The following KCNN1 variants were observed in gnomAD, a reference collection of about 807,000 sequenced individuals.
The protein encoded by KCNN1 is small conductance calcium-activated potassium channel protein 1.
KCNN1 carries 20 observed loss-of-function variants against 44.7 expected under a neutral mutation model. The observed-to-expected ratio is 0.45, with a 90% CI of 0.32 to 0.65. The LOEUF (loss-of-function observed/expected upper bound fraction) is 0.65, where lower values mean the gene tolerates loss of function less well. KCNN1 is among the 30% of genes least tolerant of loss of function. The pLI is 0.05. For missense variants in KCNN1, 632 were observed against 785.3 expected (o/e 0.80, Z 2.33); for synonymous variants, 324 against 341.7 (o/e 0.95, Z 0.57).
chr19:17,956,672 A>G (rs1313609110), intron 2 of KCNN1, among the ~76,000 whole-genome samples: 1 of 151,820 alleles, frequency 6.6e-6, no homozygotes, highest in Non-Finnish European at 1.5e-5. Flanking sequence ...CTTGAGCCCA[A>G]GAGGTCGAGG....
chr19:17,963,315 C>CT (rs111446729), upstream of KCNN1, among the ~76,000 whole-genome samples: 23,914 of 133,738 alleles, frequency 0.18, 2,379 homozygotes, highest in East Asian at 0.37. Flanking sequence ...ACCCGGCCAC[C>CT]TTTTTTTTTT....
intron 1 of KCNN1, among the ~76,000 whole-genome samples, chr19:17,969,064 G>T (rs1035659009): frequency 3.3e-5 from 5 of 152,134 alleles, no homozygotes; most frequent in African/African-American, 1.2e-4. Flanking sequence ...AACCTTGGCT[G>T]AGGGTTCCCA....
At chr19:17,978,123 C>CTTGTT (rs2032267098) in intron 3 of KCNN1, among the ~76,000 whole-genome samples, 2 of 147,294 alleles carry the variant, frequency 1.4e-5, no homozygotes, top group African/African-American at 5.0e-5. Flanking sequence ...TATATGTATA[C>CTTGTT]TTGTTTTTTT....
At chr19:17,973,027 T>C (rs4808108) in intron 1 of KCNN1, among the ~76,000 whole-genome samples, 17,954 of 152,190 alleles carry the variant, frequency 0.12, 1,132 homozygotes, top group South Asian at 0.15. Flanking sequence ...GGGAGACCAT[T>C]GTGGCTGGAG....
chr19:17,998,505 A>T lies in KCNN1; in HGVS notation c.*99A>T, dbSNP rs1057261. On this transcript the variant is annotated 3_prime_UTR_variant, in exon 10 of 10. Coordinates refer to ENST00000684775, the MANE Select transcript of KCNN1 (RefSeq NM_001386974.1). The surrounding 1 kb of genome is among the most constrained non-coding windows in gnomAD (Gnocchi z 5.4). ...GGCGCCTCTTGGAGTTCAAGAAGCC[A>T]ACGCTGAGTCAGGCTGAGTGGACTG... 10 of 1,215,602 alleles carry T rather than the reference A, an allele frequency of 8.2e-6. No individual in the cohort carries two copies. The highest frequency in any genetic ancestry group is 6.5e-5 in the South Asian group (4 of 61,716). The allele number at this position is 1,215,602 out of a possible 1,614,324, so 75.3% of individuals were successfully genotyped here.
intron 5 of KCNN1, among the ~76,000 whole-genome samples, 178 bp downstream of exon 5, chr19:17,985,631 G>A (rs967944844): frequency 2.0e-4 from 30 of 152,098 alleles, no homozygotes; most frequent in African/African-American, 7.0e-4. Flanking sequence ...CTGACGTCAC[G>A]TGGAAGCCAC....
intron 4 of KCNN1, among the ~76,000 whole-genome samples, chr19:17,984,741 G>T (rs1262643714): frequency 1.3e-5 from 2 of 152,022 alleles, no homozygotes; most frequent in Non-Finnish European, 2.9e-5. Flanking sequence ...CCCAAATATA[G>T]CCCCAGGCAT....
rs2032504175 is a variant in KCNN1, at chr19:17,983,788, G to A, written c.918-1524G>A. On this transcript the variant is annotated intron_variant, in intron 4 of 9. Coordinates refer to ENST00000684775, the MANE Select transcript of KCNN1 (RefSeq NM_001386974.1). This position sits in a 1 kb window ranked among gnomAD's most constrained non-coding sequence, Gnocchi z 4.5. ...TGGATCTGGGGCTCACCCACCCACC[G>A]ACTAGAGGGCACCCCCCCGCCCCTC... is the stretch of plus-strand genomic sequence containing the variant. Among the ~76,000 whole-genome samples, 2 of 151,290 alleles carry A rather than the reference G, an allele frequency of 1.3e-5. No homozygotes were observed. The highest frequency in any genetic ancestry group is 2.4e-5 in the African/African-American group (1 of 41,224).
Position 17,985,402 on chromosome 19 carries a change from G to A in KCNN1, c.1008G>A (p.Met336Ile). ...TCCTCTCCATTGGCTACGGCGACATGGTGCCCCACACCTACTGCGGGAAGG... is the reference window on the plus strand; with the variant it reads ...TCCTCTCCATTGGCTACGGCGACATAGTGCCCCACACCTACTGCGGGAAGG... ...ITFLSIGYGD[M>I]VPHTYCGKGV... Residue 336 changes from methionine to isoleucine, a missense_variant, in exon 5 of 10, where the codon ATG becomes ATA. By Grantham distance (10) the Met-to-Ile change is conservative. Around this residue, in one of 3 missense-constraint regions of KCNN1, gnomAD observed 160 missense variants for 308.3 expected, o/e 0.52. Transcript: ENST00000684775. 1.2e-6 allele frequency: 2 copies of A among 1,611,644 alleles called. No individual in the cohort carries two copies. The highest frequency in any genetic ancestry group is 1.1e-5 in the South Asian group (1 of 90,874).
At chr19:17,964,582 C>T (rs757753613), upstream of KCNN1, among the ~76,000 whole-genome samples, 1 of 152,220 alleles carries the variant, frequency 6.6e-6, no homozygotes, top group African/African-American at 2.4e-5. This position sits in a 1 kb window ranked among gnomAD's most constrained non-coding sequence, Gnocchi z 4.3. Context: ...CTTCTTGGGT[C>T]TCTTCCAGCC....
intron 7 of KCNN1, 89 bp downstream of exon 7, chr19:17,989,932 C>T (rs1002044331): frequency 1.3e-6 from 2 of 1,594,342 alleles, no homozygotes; most frequent in African/African-American, 1.3e-5. Context: ...TTCACGGCTC[C>T]CTGCCAGGGA....
At chr19:17,979,358 G>A (rs970779486) in intron 3 of KCNN1, among the ~76,000 whole-genome samples, 1 of 149,776 alleles carries the variant, frequency 6.7e-6, no homozygotes, top group Non-Finnish European at 1.5e-5. Flanking sequence ...GCGTGAACCC[G>A]GGAGTAGGAG....
At chr19:17,982,494 C>T (rs1192137536) in intron 4 of KCNN1, 13 of 942,024 alleles carry the variant, frequency 1.4e-5, no homozygotes, top group East Asian at 1.2e-4. Context: ...GATGCCTCCC[C>T]GTCCCCTCTG....
intron 3 of KCNN1, among the ~76,000 whole-genome samples, chr19:17,979,078 AAAAC>A (rs1205239213): frequency 4.0e-5 from 6 of 150,596 alleles, no homozygotes; most frequent in Admixed American, 2.0e-4. Context: ...AAAACAAAAC[AAAAC>A]AAACAAACAA....
chr19:17,960,404 T>C (rs947189660), intron 2 of KCNN1, among the ~76,000 whole-genome samples: 1 of 151,434 alleles, frequency 6.6e-6, no homozygotes, highest in South Asian at 2.1e-4. Context: ...CCGAGGCGGG[T>C]GGATCACCTG....
At chr19:17,967,688 G>A (rs2031864040) in intron 1 of KCNN1, among the ~76,000 whole-genome samples, 1 of 151,940 alleles carries the variant, frequency 6.6e-6, no homozygotes, top group African/African-American at 2.4e-5. Flanking sequence ...ACTGGCCCCT[G>A]GATCCAGGGG....
At chr19:17,977,984 C>T (rs1326803405) in intron 3 of KCNN1, among the ~76,000 whole-genome samples, 7 of 151,946 alleles carry the variant, frequency 4.6e-5, no homozygotes, top group Non-Finnish European at 8.8e-5. Flanking sequence ...GGGAAAGGAG[C>T]GACTGCTAAT....
At chr19:17,980,534 C>T (rs1348811270) in intron 3 of KCNN1, among the ~76,000 whole-genome samples, 2 of 152,010 alleles carry the variant, frequency 1.3e-5, no homozygotes, top group Non-Finnish European at 1.5e-5. Context: ...GGGGAACACT[C>T]ATATTTCGTT....
intron 2 of KCNN1, among the ~76,000 whole-genome samples, chr19:17,958,028 C>G (rs1241353441): frequency 6.6e-6 from 1 of 151,972 alleles, no homozygotes; most frequent in Non-Finnish European, 1.5e-5. Flanking sequence ...GAAGGGAGCA[C>G]TCATTGTGCT....
Sources: allele counts gnomAD v4.1 joint callset (sites outside exome capture counted in the v4.1 genomes callset), GRCh38; gene constraint gnomAD v4.1.1; regional missense constraint gnomAD v4.1.1; non-coding constraint Gnocchi (gnomAD v3.1); transcripts MANE v1.5; gene names NCBI Gene and HGNC (gene_info 2026-07-23, HGNC 2026-07-21).